The following CADM2 variants were observed in gnomAD, a reference collection of about 807,000 sequenced individuals.
CADM2 encodes cell adhesion molecule 2, also known as immunoglobulin superfamily member 4D.
CADM2 carries 12 observed loss-of-function variants against 49.8 expected under a neutral mutation model. The observed-to-expected ratio is 0.24, with a 90% CI of 0.15 to 0.39. The LOEUF (loss-of-function observed/expected upper bound fraction) is 0.39, where lower values mean the gene tolerates loss of function less well. Among genes scored for constraint, CADM2 ranks in the 10% least tolerant of loss-of-function variants. The probability of loss-of-function intolerance (pLI) is 1.00; values close to 1 mark genes in which losing one functional copy is unlikely to be tolerated. For synonymous variants in CADM2, 214 were observed against 175.4 expected, an observed-to-expected ratio of 1.22 and a Z score of -1.74; for missense variants, 378 against 492.3, an observed-to-expected ratio of 0.77 and a Z score of 2.20.
rs139222494 is a variant in CADM2 at position 85,617,466 on chromosome 3, A to G, written c.62-109056A>G. Among the ~76,000 whole-genome samples the G allele has an allele frequency of 4.4e-3, 676 of 152,272 alleles. 6 individuals are homozygous for G. Among genetic ancestry groups the G allele is most frequent in the African/African-American group, 0.015 (636 of 41,580 alleles). On this transcript the variant is annotated intron_variant, in intron 1 of 9. Transcript: ENST00000383699. ...GTTGCAGTAGCCCACCATCTCCTGCACGCAGATGAGTTTTGTTCATCTTCT... is the reference window on the plus strand; with the variant it reads ...GTTGCAGTAGCCCACCATCTCCTGCGCGCAGATGAGTTTTGTTCATCTTCT...
chr3:85,129,936 A>G (rs1430467435), intron 1 of CADM2, among the ~76,000 whole-genome samples: 3 of 152,222 alleles, frequency 2.0e-5, no homozygotes, highest in African/African-American at 7.2e-5. Flanking sequence ...TATTTTGTTG[A>G]TGCCTTCCAC....
intron 1 of CADM2, among the ~76,000 whole-genome samples, chr3:85,197,241 A>G (rs969921842): frequency 9.2e-5 from 14 of 151,870 alleles, no homozygotes; most frequent in African/African-American, 3.1e-4. Flanking sequence ...AGTTAGAGGT[A>G]GAGAAAAAAA....
intron 1 of CADM2, among the ~76,000 whole-genome samples, chr3:85,590,108 A>G (rs574050098): frequency 2.4e-4 from 37 of 152,170 alleles, no homozygotes; most frequent in African/African-American, 8.2e-4. Flanking sequence ...CTGGTCATGG[A>G]TAGTTCACAT....
At chr3:85,859,697 C>T (rs1459576531) in intron 3 of CADM2, among the ~76,000 whole-genome samples, 1 of 152,198 alleles carries the variant, frequency 6.6e-6, no homozygotes, top group Non-Finnish European at 1.5e-5. Context: ...CTCAGGAGTG[C>T]TTTTCCTAAC....
intron 1 of CADM2, among the ~76,000 whole-genome samples, chr3:85,711,182 T>C (rs949195834): frequency 6.6e-6 from 1 of 152,174 alleles, no homozygotes; most frequent in Non-Finnish European, 1.5e-5. Context: ...AATATATTAT[T>C]GTTCAATAGA....
intron 1 of CADM2, among the ~76,000 whole-genome samples, chr3:85,258,927 G>A (rs2042950695): frequency 6.6e-6 from 1 of 152,070 alleles, no homozygotes; most frequent in South Asian, 2.1e-4. Flanking sequence ...CAAAGTGAAA[G>A]CAGTGAAGTG....
chr3:85,301,963 G>C (rs1226533519), intron 1 of CADM2, among the ~76,000 whole-genome samples: 2 of 152,028 alleles, frequency 1.3e-5, no homozygotes, highest in African/African-American at 4.8e-5. Flanking sequence ...TTCTGAAAGA[G>C]CATTTTGTAA....
chr3:86,056,131 T>C (rs1737959822), intron 8 of CADM2, among the ~76,000 whole-genome samples: 1 of 152,164 alleles, frequency 6.6e-6, no homozygotes, highest in African/African-American at 2.4e-5. Context: ...ATCACACAGG[T>C]AATCTCCTCA....
intron 1 of CADM2, among the ~76,000 whole-genome samples, chr3:85,177,828 G>A (rs999051053): frequency 5.9e-5 from 9 of 151,972 alleles, no homozygotes; most frequent in African/African-American, 1.2e-4. Flanking sequence ...TAGAAAAGCC[G>A]TAGTTGTCAC....
intron 1 of CADM2, among the ~76,000 whole-genome samples, chr3:85,615,556 TTTTCTTTCCTTTTATTGTC>T (rs1269337419): frequency 6.6e-6 from 1 of 151,946 alleles, no homozygotes; most frequent in Admixed American, 6.6e-5. Context: ...CATAAATTTC[TTTTCTTTCCTTTTATTGTC>T]TTTCTTTCCT....
intron 8 of CADM2, among the ~76,000 whole-genome samples, chr3:85,999,272 G>GA (rs1421624476): frequency 6.2e-5 from 9 of 144,918 alleles, no homozygotes; most frequent in African/African-American, 2.3e-4. Context: ...GCCGAGGGTT[G>GA]GGGGGTGGAT....
intron 1 of CADM2, among the ~76,000 whole-genome samples, chr3:85,112,739 T>C (rs975988852): frequency 4.6e-5 from 7 of 151,900 alleles, no homozygotes; most frequent in African/African-American, 1.7e-4. Flanking sequence ...TTATAAAGTC[T>C]GTCTATGTCA....
At position 85,630,828 on chromosome 3, in the gene CADM2, A is replaced by T. The variant is rs186990818; in HGVS notation, c.62-95694A>T. Among the ~76,000 whole-genome samples, 242 of 151,802 alleles carry T rather than the reference A, an allele frequency of 1.6e-3. 1 individual carries two copies. In the Middle Eastern group the frequency reaches 0.02, roughly 13 times the overall value. Reference sequence around the variant, plus strand: ...ACCTTTAATCACATTTCTCTATATAACTCCCTCTCCACAGAGCAGTCAGAG... The same window carrying T: ...ACCTTTAATCACATTTCTCTATATATCTCCCTCTCCACAGAGCAGTCAGAG... On this transcript the variant is annotated intron_variant, in intron 1 of 9. Transcript: ENST00000383699.
chr3:85,341,155 A>G (rs1464663583), intron 1 of CADM2, among the ~76,000 whole-genome samples: 1 of 151,706 alleles, frequency 6.6e-6, no homozygotes, highest in Non-Finnish European at 1.5e-5. Context: ...TAAATCAAGC[A>G]TACGGAATAT....
chr3:85,853,638 T>C (rs2075192560), intron 3 of CADM2, among the ~76,000 whole-genome samples: 1 of 151,554 alleles, frequency 6.6e-6, no homozygotes, highest in African/African-American at 2.4e-5. Context: ...ATGAAATGCT[T>C]CTTAAATAAA....
chr3:85,681,374 GA>G lies in CADM2; in HGVS notation c.62-45145del, dbSNP rs560057713. ...ATATCAATTTTGCAAGTATATTTTG[GA>G]AATCACTTTCTGCTTAATCTTTAAG... On this transcript the variant is annotated intron_variant, in intron 1 of 9. Transcript: ENST00000383699. Among the ~76,000 whole-genome samples, 705 of 152,194 alleles carry G rather than the reference GA, an allele frequency of 4.6e-3. 8 individuals are homozygous for G. Among genetic ancestry groups the G allele is most frequent in the African/African-American group, 0.016 (680 of 41,544 alleles).
At chr3:85,946,531 A>G (rs1722722569) in intron 7 of CADM2, among the ~76,000 whole-genome samples, 1 of 152,082 alleles carries the variant, frequency 6.6e-6, no homozygotes, top group African/African-American at 2.4e-5. Flanking sequence ...CTATACTACA[A>G]AGCTACAGTA....
intron 3 of CADM2, among the ~76,000 whole-genome samples, chr3:85,847,875 C>A (rs1210832269): frequency 6.6e-6 from 1 of 152,000 alleles, no homozygotes; most frequent in Non-Finnish European, 1.5e-5. Context: ...TATCTACTGC[C>A]GTCCTTGGCT....
intron 1 of CADM2, among the ~76,000 whole-genome samples, chr3:85,295,024 T>A (rs1318876078): frequency 7.3e-5 from 11 of 151,488 alleles, no homozygotes; most frequent in Non-Finnish European, 1.5e-4. Flanking sequence ...TGGGAGAAAA[T>A]TTTCACAACC....
Sources: allele counts gnomAD v4.1 joint callset (sites outside exome capture counted in the v4.1 genomes callset), GRCh38; gene constraint gnomAD v4.1.1; transcripts MANE v1.5; gene names NCBI Gene and HGNC (gene_info 2026-07-23, HGNC 2026-07-21).